The following ZDHHC14 variants were observed in gnomAD, a reference collection of about 807,000 sequenced individuals.
ZDHHC14 encodes the protein zDHHC palmitoyltransferase 14, also known as palmitoyltransferase ZDHHC14.
ZDHHC14 carries 16 observed loss-of-function variants against 47.7 expected under a neutral mutation model. The observed-to-expected ratio is 0.34, with a 90% CI of 0.23 to 0.51. The LOEUF (loss-of-function observed/expected upper bound fraction) is 0.51, where lower values mean the gene tolerates loss of function less well. Among genes scored for constraint, ZDHHC14 ranks in the 20% least tolerant of loss-of-function variants. ZDHHC14 has a pLI of 0.97. For missense variants in ZDHHC14, 515 were observed against 662.5 expected (o/e 0.78, Z 2.44); for synonymous variants, 293 against 278.9 (o/e 1.05, Z -0.50).
At chr6:157,448,314 A>G (rs1358940588) in intron 1 of ZDHHC14, among the ~76,000 whole-genome samples, 10 of 152,144 alleles carry the variant, frequency 6.6e-5, no homozygotes, top group African/African-American at 2.4e-4. Context: ...TCCCAAATGA[A>G]TATTTTTCCT....
chr6:157,579,620 T>C lies in ZDHHC14; in HGVS notation c.407-13368T>C, dbSNP rs1783444385. Among the ~76,000 whole-genome samples the C allele has an allele frequency of 3.3e-5, 5 of 152,342 alleles. No homozygotes were observed. In the South Asian group the frequency reaches 1.0e-3, roughly 32 times the overall value. On this transcript the variant is annotated intron_variant, in intron 2 of 8. Coordinates refer to ENST00000359775, the MANE Select transcript of ZDHHC14 (RefSeq NM_024630.3). ...CTTTCACCTCCCTGGTTTAGCTGTA[T>C]GCCTAGGTTTTTAATTATTTTTGTG... is the stretch of plus-strand genomic sequence containing the variant.
intron 1 of ZDHHC14, among the ~76,000 whole-genome samples, chr6:157,447,583 C>A (rs1484275875): frequency 6.6e-6 from 1 of 152,050 alleles, no homozygotes; most frequent in African/African-American, 2.4e-5. Context: ...GGAACAGAGG[C>A]AGGGGTGGAA....
At chr6:157,402,083 A>G (rs907578410) in intron 1 of ZDHHC14, among the ~76,000 whole-genome samples, 4 of 147,246 alleles carry the variant, frequency 2.7e-5, no homozygotes, top group African/African-American at 1.0e-4. Context: ...TGCTGAGGTC[A>G]CACTGCATTA....
At chr6:157,542,513 C>A in intron 1 of ZDHHC14, 72 bp from the exon 2 acceptor site, 1 of 1,531,850 alleles carries the variant, frequency 6.5e-7, no homozygotes, top group Non-Finnish European at 8.8e-7. Flanking sequence ...ATAAAGACTG[C>A]TTACTGTTGA....
intron 1 of ZDHHC14, among the ~76,000 whole-genome samples, chr6:157,428,478 T>A (rs2114778186): frequency 6.6e-6 from 1 of 152,226 alleles, no homozygotes; most frequent in South Asian, 2.1e-4. Context: ...AAAAAAAATC[T>A]CCGGCAAACA....
intron 1 of ZDHHC14, among the ~76,000 whole-genome samples, chr6:157,517,881 G>T (rs965148192): frequency 6.6e-6 from 1 of 152,182 alleles, no homozygotes; most frequent in African/African-American, 2.4e-5. Flanking sequence ...TAAAAGTGTC[G>T]CTGTTGCCCT....
At chr6:157,426,099 C>G (rs1254997765) in intron 1 of ZDHHC14, among the ~76,000 whole-genome samples, 1 of 152,088 alleles carries the variant, frequency 6.6e-6, no homozygotes, top group Non-Finnish European at 1.5e-5. Context: ...GGCTGCCAGA[C>G]CAGGGGTGGA....
chr6:157,608,393 G>C (rs570616360), intron 3 of ZDHHC14, among the ~76,000 whole-genome samples: 2 of 151,874 alleles, frequency 1.3e-5, no homozygotes, highest in African/African-American at 4.8e-5. Context: ...GGCACCGGTG[G>C]TACAGGGAGG....
At chr6:157,544,402 C>G (rs1781886049) in intron 2 of ZDHHC14, among the ~76,000 whole-genome samples, 1 of 152,160 alleles carries the variant, frequency 6.6e-6, no homozygotes, top group Admixed American at 6.5e-5. Flanking sequence ...AATCCCAGCA[C>G]TTTGGGAGGT....
intron 2 of ZDHHC14, among the ~76,000 whole-genome samples, chr6:157,567,535 G>C (rs796717292): frequency 6.6e-6 from 1 of 152,284 alleles, no homozygotes. Flanking sequence ...AGTTGAACCC[G>C]CCGGGCGCCG....
chr6:157,581,882 G>T (rs772565879), intron 2 of ZDHHC14, among the ~76,000 whole-genome samples: 7 of 151,492 alleles, frequency 4.6e-5, no homozygotes, highest in Non-Finnish European at 8.8e-5. Flanking sequence ...CTTTATCCAG[G>T]TTGCCATTCT....
chr6:157,444,931 C>T (rs1778630880), intron 1 of ZDHHC14, among the ~76,000 whole-genome samples: 1 of 151,952 alleles, frequency 6.6e-6, no homozygotes, highest in African/African-American at 2.4e-5. Flanking sequence ...AAGGCAAAGC[C>T]CAGAAGTGGG....
intron 2 of ZDHHC14, among the ~76,000 whole-genome samples, chr6:157,566,775 C>T (rs892965930): frequency 6.6e-6 from 1 of 152,146 alleles, no homozygotes; most frequent in Non-Finnish European, 1.5e-5. Flanking sequence ...TTTTCTTACC[C>T]ACATTGTGTG....
intron 7 of ZDHHC14, among the ~76,000 whole-genome samples, chr6:157,652,665 A>G (rs1777894262): frequency 6.6e-6 from 1 of 152,184 alleles, no homozygotes; most frequent in Admixed American, 6.5e-5. Context: ...ACCCATTTTT[A>G]TTCATTCCAT....
chr6:157,420,230 G>C (rs1309979170), intron 1 of ZDHHC14, among the ~76,000 whole-genome samples: 1 of 151,822 alleles, frequency 6.6e-6, no homozygotes, highest in East Asian at 1.9e-4. Flanking sequence ...TCATTGAAGG[G>C]GTGGGCTGAA....
intron 1 of ZDHHC14, among the ~76,000 whole-genome samples, chr6:157,397,431 T>C (rs1221189943): frequency 6.6e-6 from 1 of 152,158 alleles, no homozygotes; most frequent in African/African-American, 2.4e-5. Flanking sequence ...GAAATTCTCT[T>C]TCCTTGCCTT....
chr6:157,403,801 G>A (rs867505968), intron 1 of ZDHHC14, among the ~76,000 whole-genome samples: 1 of 152,220 alleles, frequency 6.6e-6, no homozygotes, highest in Non-Finnish European at 1.5e-5. Context: ...GCCACCCACC[G>A]GTGTCAGGAA....
At chr6:157,426,318 G>A (rs933370971) in intron 1 of ZDHHC14, among the ~76,000 whole-genome samples, 3 of 152,158 alleles carry the variant, frequency 2.0e-5, no homozygotes, top group African/African-American at 7.2e-5. Context: ...ATTGGATGGT[G>A]TCATTCACTG....
chr6:157,579,084 T>C (rs919149086), intron 2 of ZDHHC14, among the ~76,000 whole-genome samples: 23 of 152,112 alleles, frequency 1.5e-4, no homozygotes, highest in African/African-American at 5.6e-4. Flanking sequence ...AATTTTAAAA[T>C]AGTTTTTGAA....
Sources: allele counts gnomAD v4.1 joint callset (sites outside exome capture counted in the v4.1 genomes callset), GRCh38; gene constraint gnomAD v4.1.1; transcripts MANE v1.5; gene names NCBI Gene and HGNC (gene_info 2026-07-23, HGNC 2026-07-21).